Variants in RNF175 observed in about 807,000 individuals in gnomAD.
RNF175 encodes the protein ring finger protein 175.
Under a neutral mutation model 50.0 loss-of-function variants are expected in RNF175, and 38 were observed. That is an observed-to-expected ratio of 0.76 (90% CI 0.59 to 1.00). The LOEUF (loss-of-function observed/expected upper bound fraction) is 1.00. Among genes scored for constraint, RNF175 ranks in the 50% least tolerant of loss-of-function variants. The pLI, the probability that RNF175 is intolerant of heterozygous loss-of-function variation, is 0.00. For synonymous variants in RNF175, 155 were observed against 146.1 expected, an observed-to-expected ratio of 1.06 and a Z score of -0.44; for missense variants, 388 against 409.6, an observed-to-expected ratio of 0.95 and a Z score of 0.46.
At chr4:153,742,669 TG>T (rs1739735319) in intron 3 of RNF175, among the ~76,000 whole-genome samples, 1 of 152,168 alleles carries the variant, frequency 6.6e-6, no homozygotes, top group African/African-American at 2.4e-5. Flanking sequence ...TATATGCCCT[TG>T]GCCAAGGTTT....
intron 3 of RNF175, among the ~76,000 whole-genome samples, chr4:153,734,268 C>A (rs918831445): frequency 3.3e-5 from 5 of 152,182 alleles, no homozygotes; most frequent in African/African-American, 9.7e-5. Flanking sequence ...TGGGAGACTG[C>A]CAAACAGCCT....
At chr4:153,723,241 T>G (rs2127109956) in intron 5 of RNF175, 110 bp downstream of exon 5, 1 of 599,632 alleles carries the variant, frequency 1.7e-6, no homozygotes, top group East Asian at 2.8e-5. Context: ...ATAAAACATG[T>G]GTGCATGGAA....
At chr4:153,731,685 GAGGA>G (rs200209706) in intron 3 of RNF175, among the ~76,000 whole-genome samples, 336 of 148,578 alleles carry the variant, frequency 2.3e-3, no homozygotes, top group Middle Eastern at 0.01. Flanking sequence ...GGGAGGGAGG[GAGGA>G]AGGAAGGAAG....
intron 4 of RNF175, among the ~76,000 whole-genome samples, chr4:153,724,301 C>T (rs552370614): frequency 6.6e-6 from 1 of 152,298 alleles, no homozygotes; most frequent in East Asian, 1.9e-4. Flanking sequence ...GGTTGGGAGC[C>T]CAGTTCCATT....
chr4:153,711,846 C>G (rs112135077), intron 8 of RNF175, among the ~76,000 whole-genome samples: 81 of 152,306 alleles, frequency 5.3e-4, no homozygotes, highest in African/African-American at 1.9e-3. Context: ...TTGCACACCT[C>G]TGATGTCTAT....
At chr4:153,732,135 A>G (rs1249168393) in intron 3 of RNF175, among the ~76,000 whole-genome samples, 1 of 151,972 alleles carries the variant, frequency 6.6e-6, no homozygotes, top group Non-Finnish European at 1.5e-5. Context: ...GGGTGGCTGA[A>G]GCGTGAGAGT....
Position 153,728,279 on chromosome 4 carries a change from C to A in RNF175, c.329G>T (p.Gly110Val). 1 of 1,613,608 alleles carries A rather than the reference C, an allele frequency of 6.2e-7. No individual in the cohort carries two copies. The highest frequency in any genetic ancestry group is 1.3e-5 in the African/African-American group (1 of 75,018). ...GTAACTGGTAATAACGGAGAACATC[C>A]CCCACATAGACAGAAACCGCCACCA... Reference protein sequence around the residue: ...LYWWRFLSMWGMFSVITSYIL... With the variant: ...LYWWRFLSMWVMFSVITSYIL... Residue 110 changes from glycine to valine, a missense_variant, in exon 4 of 9, where the codon GGG (glycine) becomes GTG (valine). Gly to Val is a moderately radical substitution (Grantham distance 109). Transcript: ENST00000347063.
intron 2 of RNF175, among the ~76,000 whole-genome samples, chr4:153,750,912 TTAATC>T (rs1424291745): frequency 1.3e-5 from 2 of 152,366 alleles, no homozygotes; most frequent in South Asian, 4.1e-4. Flanking sequence ...TTATATGAGA[TTAATC>T]TATAATAAAA....
chr4:153,728,711 A>G (rs1401843409), intron 3 of RNF175, among the ~76,000 whole-genome samples: 1 of 152,210 alleles, frequency 6.6e-6, no homozygotes, highest in East Asian at 1.9e-4. Context: ...AGATGCTTGC[A>G]CTGCTTCCCT....
chr4:153,758,789 C>A (rs1007526044), intron 1 of RNF175, among the ~76,000 whole-genome samples: 6 of 151,822 alleles, frequency 4.0e-5, no homozygotes, highest in African/African-American at 1.2e-4. Flanking sequence ...AAAAAAAAAT[C>A]TCCAAGCCAT....
intron 1 of RNF175, among the ~76,000 whole-genome samples, chr4:153,755,573 T>TA (rs1310090006): frequency 1.0e-4 from 11 of 105,196 alleles, no homozygotes; most frequent in Middle Eastern, 5.2e-3. Flanking sequence ...CAGAAAGAAT[T>TA]TAAAAAAAAA....
At chr4:153,736,081 T>C (rs1234070160) in intron 3 of RNF175, among the ~76,000 whole-genome samples, 2 of 152,214 alleles carry the variant, frequency 1.3e-5, no homozygotes, top group Admixed American at 1.3e-4. Flanking sequence ...TTTCTCACCA[T>C]TAAGTATGTC....
chr4:153,723,348 T>TACTTGA lies in RNF175; in HGVS notation c.506_509+2dup. ...TATTAATGTCTTAATTGGAGATACT[T>TACTTGA]ACTTGAAAAACAGATTGAATCCACA... On this transcript the variant is annotated splice_region_variant and intron_variant, in intron 5 of 8. Coordinates refer to ENST00000347063, the MANE Select transcript of RNF175 (RefSeq NM_173662.4). The TACTTGA allele has an allele frequency of 7.0e-7, 1 of 1,435,976 alleles. No homozygotes were observed. Among genetic ancestry groups the TACTTGA allele is most frequent in the East Asian group, 2.3e-5 (1 of 44,094 alleles). 89.0% of individuals were successfully genotyped at this position (1,435,976 alleles called of 1,614,324 possible). A position where few individuals can be genotyped will look rare whatever the true frequency, so the allele number is the denominator to read the frequency against.
At chr4:153,752,694 T>C (rs62325105) in intron 1 of RNF175, among the ~76,000 whole-genome samples, 26,789 of 152,124 alleles carry the variant, frequency 0.18, 3,093 homozygotes, top group Non-Finnish European at 0.25. Flanking sequence ...TTTGAGGACA[T>C]TTAAAATAAA....
At chr4:153,730,360 C>T (rs975586801) in intron 3 of RNF175, among the ~76,000 whole-genome samples, 1 of 152,020 alleles carries the variant, frequency 6.6e-6, no homozygotes, top group Non-Finnish European at 1.5e-5. Context: ...CACCTGAGCC[C>T]TTGAGGTCAA....
intron 1 of RNF175, among the ~76,000 whole-genome samples, chr4:153,754,372 G>T (rs1324589973): frequency 1.3e-5 from 2 of 152,066 alleles, no homozygotes; most frequent in East Asian, 1.9e-4. Context: ...GGCTGACCAG[G>T]CTCCTCAATT....
chr4:153,748,831 G>T, intron 2 of RNF175, 45 bp from the exon 3 acceptor site: 2 of 1,509,758 alleles, frequency 1.3e-6, no homozygotes, highest in Non-Finnish European at 1.8e-6. Context: ...CCTCAACCTT[G>T]CGCATTTAGC....
At chr4:153,732,217 G>A (rs1739081181) in intron 3 of RNF175, among the ~76,000 whole-genome samples, 1 of 149,906 alleles carries the variant, frequency 6.7e-6, no homozygotes, top group Non-Finnish European at 1.5e-5. Flanking sequence ...GGGTAACAGA[G>A]CAAGACTCTG....
At chr4:153,748,817 A>C in intron 2 of RNF175, 31 bp from the exon 3 acceptor site, 1 of 1,600,956 alleles carries the variant, frequency 6.2e-7, no homozygotes. Flanking sequence ...TCATCTGAAA[A>C]AGCCCTCAAC....
Sources: allele counts gnomAD v4.1 joint callset (sites outside exome capture counted in the v4.1 genomes callset), GRCh38; gene constraint gnomAD v4.1.1; transcripts MANE v1.5; gene names NCBI Gene and HGNC (gene_info 2026-07-23, HGNC 2026-07-21).